PEAK1: variants seen among roughly 807,000 people sequenced by gnomAD.
PEAK1 encodes pseudopodium enriched atypical kinase 1.
Under a neutral mutation model 124.7 loss-of-function variants are expected in PEAK1, and 54 were observed. The ratio of observed to expected loss-of-function variants is 0.43; its 90% CI spans 0.35 to 0.54. The LOEUF (loss-of-function observed/expected upper bound fraction) is 0.54, where lower values mean the gene tolerates loss of function less well. Ranked by LOEUF, PEAK1 falls within the 20% of genes least tolerant of loss-of-function variation. The probability of loss-of-function intolerance (pLI) is 0.01; values close to 1 mark genes in which losing one functional copy is unlikely to be tolerated. For synonymous variants in PEAK1, 719 were observed against 760.0 expected (o/e 0.95, Z 0.89); for missense variants, 2,046 against 2,134.5 (o/e 0.96, Z 0.82).
At chr15:77,238,468 C>G (rs963213678) in intron 6 of PEAK1, among the ~76,000 whole-genome samples, 6 of 152,086 alleles carry the variant, frequency 3.9e-5, no homozygotes, top group African/African-American at 1.4e-4. Flanking sequence ...TATATTTATT[C>G]TAAAACTCTT....
chr15:77,207,480 C>G (rs1399676213), intron 6 of PEAK1, among the ~76,000 whole-genome samples: 2 of 152,112 alleles, frequency 1.3e-5, no homozygotes, highest in Non-Finnish European at 2.9e-5. Context: ...CAAATACTAT[C>G]TAATGACAAA....
At chr15:77,366,680 T>A (rs2068263113) in intron 1 of PEAK1, among the ~76,000 whole-genome samples, 1 of 152,084 alleles carries the variant, frequency 6.6e-6, no homozygotes, top group Non-Finnish European at 1.5e-5. Flanking sequence ...CTCAGCATCC[T>A]GAGTAGCTGG....
intron 4 of PEAK1, 90 bp from the exon 5 acceptor site, chr15:77,284,120 A>T: frequency 1.6e-6 from 1 of 619,642 alleles, no homozygotes; most frequent in Non-Finnish European, 2.0e-6. Context: ...CTGGTCATGT[A>T]AACAATGAAG....
intron 6 of PEAK1, among the ~76,000 whole-genome samples, chr15:77,208,565 C>T (rs1425268792): frequency 1.3e-5 from 2 of 152,150 alleles, no homozygotes; most frequent in African/African-American, 4.8e-5. Context: ...TTTTCCTCTA[C>T]TTTCTTAATT....
rs113574200 is a variant in PEAK1 at position 77,120,091 on chromosome 15, A to G, written c.4078-4772T>C. Among the ~76,000 whole-genome samples the G allele has an allele frequency of 1.9e-4, 29 of 152,302 alleles. 1 individual carries two copies. The highest frequency in any genetic ancestry group is 6.5e-4 in the African/African-American group (27 of 41,572). On this transcript the variant is annotated intron_variant, in intron 9 of 9. Transcript: ENST00000682557. The stretch of plus-strand genomic sequence containing the variant: ...CAAAACTGGATGATATGACTATGGA[A>G]TTAATCTGTCGTTGAATGGCATGGT...
At chr15:77,155,101 C>T (rs575203692) in intron 8 of PEAK1, 2 of 152,308 alleles carry the variant, frequency 1.3e-5, no homozygotes, top group East Asian at 3.9e-4. Context: ...TTCCATTCTC[C>T]CTGTCACTTT....
At chr15:77,249,011 C>T (rs745334714) in intron 6 of PEAK1, among the ~76,000 whole-genome samples, 7 of 151,862 alleles carry the variant, frequency 4.6e-5, no homozygotes, top group African/African-American at 1.7e-4. Flanking sequence ...TTGGTAGATT[C>T]GGGGTTTCAC....
At chr15:77,349,647 C>A (rs146643563) in intron 2 of PEAK1, 3 of 984,508 alleles carry the variant, frequency 3.0e-6, no homozygotes, top group Non-Finnish European at 3.6e-6. Flanking sequence ...CTAATATTCA[C>A]GTACTTCAAA....
intron 1 of PEAK1, chr15:77,403,608 A>C (rs964184165): frequency 1.1e-6 from 1 of 923,574 alleles, no homozygotes; most frequent in African/African-American, 1.8e-5. Context: ...ATGTTCATAT[A>C]TCATACCCTA....
intron 6 of PEAK1, among the ~76,000 whole-genome samples, chr15:77,214,966 T>A (rs1357838449): frequency 2.0e-4 from 30 of 152,164 alleles, no homozygotes; most frequent in Admixed American, 2.0e-3. Context: ...CATATCAACC[T>A]TAAAATGGAA....
chr15:77,335,313 G>A, intron 2 of PEAK1: 1 of 985,300 alleles, frequency 1.0e-6, no homozygotes, highest in Non-Finnish European at 1.2e-6. Flanking sequence ...TGGCATGAGT[G>A]GCATTAAGCT....
At chr15:77,399,992 A>T (rs1209745871) in intron 1 of PEAK1, among the ~76,000 whole-genome samples, 1 of 152,224 alleles carries the variant, frequency 6.6e-6, no homozygotes, top group Admixed American at 6.5e-5. Context: ...ATCTGATTTT[A>T]AAATGGGCAA....
intron 2 of PEAK1, among the ~76,000 whole-genome samples, chr15:77,296,593 G>T (rs184013715): frequency 3.3e-5 from 5 of 151,468 alleles, no homozygotes; most frequent in African/African-American, 1.2e-4. Context: ...CAGCCTGGGC[G>T]ACAGAGTGAG....
rs79601763 is a variant in PEAK1, at chr15:77,338,074, C to T, written c.-603+27089G>A. On this transcript the variant is annotated intron_variant, in intron 2 of 9. Transcript: ENST00000682557. ...AATTTGAGCTTTTTTAGCTATTGGA[C>T]TCAAACTGTATACCAATGAAAGGGT... 4,881 of 983,182 alleles carry T rather than the reference C, an allele frequency of 5.0e-3. 160 individuals are homozygous for T. The African/African-American group carries it at 0.075, about 15-fold the overall frequency. 60.9% of individuals were successfully genotyped at this position (983,182 alleles called of 1,614,324 possible).
intron 8 of PEAK1, 46 bp downstream of exon 8, chr15:77,158,457 G>T: frequency 6.4e-7 from 1 of 1,558,624 alleles, no homozygotes; most frequent in Non-Finnish European, 8.8e-7. Context: ...GGCTAGTACA[G>T]AAAAAGGCAA....
intron 1 of PEAK1, among the ~76,000 whole-genome samples, chr15:77,411,317 C>T (rs919830332): frequency 2.0e-5 from 3 of 152,164 alleles, no homozygotes; most frequent in Non-Finnish European, 4.4e-5. Context: ...TCGAGGGCAG[C>T]AGAAACACTC....
intron 6 of PEAK1, among the ~76,000 whole-genome samples, chr15:77,237,296 A>G (rs1337030515): frequency 6.6e-6 from 1 of 152,176 alleles, no homozygotes. Context: ...GAAATGCATT[A>G]AAAACTGTAA....
intron 9 of PEAK1, among the ~76,000 whole-genome samples, chr15:77,127,648 A>C (rs1340467639): frequency 1.3e-5 from 2 of 152,256 alleles, no homozygotes; most frequent in Non-Finnish European, 2.9e-5. Context: ...ATTTCTAAGC[A>C]AAGTGAAGGA....
intron 5 of PEAK1, among the ~76,000 whole-genome samples, chr15:77,267,397 C>T (rs1304837006): frequency 6.6e-6 from 1 of 152,082 alleles, no homozygotes; most frequent in African/African-American, 2.4e-5. Flanking sequence ...TATCTGAAGG[C>T]CAATCAACAC....
Sources: allele counts gnomAD v4.1 joint callset (sites outside exome capture counted in the v4.1 genomes callset), GRCh38; gene constraint gnomAD v4.1.1; transcripts MANE v1.5; gene names NCBI Gene and HGNC (gene_info 2026-07-23, HGNC 2026-07-21).